AUTS2: variants seen among roughly 807,000 people sequenced by gnomAD.
AUTS2 encodes autism susceptibility gene 2 protein.
A neutral mutation model predicts 112.4 loss-of-function variants in AUTS2; 17 were observed. The observed-to-expected ratio is 0.15, with a 90% CI of 0.10 to 0.23. The LOEUF is 0.23. AUTS2 is among the 10% of genes least tolerant of loss of function. The probability of loss-of-function intolerance (pLI) is 1.00; values close to 1 mark genes in which losing one functional copy is unlikely to be tolerated. For synonymous variants in AUTS2, 751 were observed against 702.7 expected, an observed-to-expected ratio of 1.07 and a Z score of -1.09; for missense variants, 1,510 against 1,701.6, an observed-to-expected ratio of 0.89 and a Z score of 1.98.
At chr7:70,002,693 A>G (rs553426288) in intron 2 of AUTS2, among the ~76,000 whole-genome samples, 15 of 152,314 alleles carry the variant, frequency 9.8e-5, no homozygotes, top group Admixed American at 5.9e-4. Flanking sequence ...TTAGCTGGCA[A>G]TAAAGCTAAT....
At chr7:70,224,150 AC>A (rs1342955406) in intron 4 of AUTS2, among the ~76,000 whole-genome samples, 1 of 152,122 alleles carries the variant, frequency 6.6e-6, no homozygotes, top group African/African-American at 2.4e-5. Flanking sequence ...TCTTGTCTCT[AC>A]AAAAAATACA....
chr7:70,410,398 T>TTTTATTCATTTATTTA (rs1554394750), intron 4 of AUTS2, among the ~76,000 whole-genome samples: 2 of 140,766 alleles, frequency 1.4e-5, no homozygotes, highest in African/African-American at 2.6e-5. Flanking sequence ...AGGGTTTGTC[T>TTTTATTCATTTATTTA]TTTATTTATT....
intron 1 of AUTS2, among the ~76,000 whole-genome samples, chr7:69,728,548 G>A (rs1786629754): frequency 6.6e-6 from 1 of 151,974 alleles, no homozygotes; most frequent in Non-Finnish European, 1.5e-5. Context: ...TCTTCCCAAG[G>A]GTAGGTAGTT....
At chr7:69,936,451 G>A (rs921572658) in intron 2 of AUTS2, among the ~76,000 whole-genome samples, 4 of 152,192 alleles carry the variant, frequency 2.6e-5, no homozygotes, top group Non-Finnish European at 2.9e-5. Flanking sequence ...CTGGGTTCAC[G>A]CCATTCTCCT....
intron 4 of AUTS2, among the ~76,000 whole-genome samples, chr7:70,424,263 A>G (rs1017951121): frequency 1.3e-4 from 20 of 152,178 alleles, no homozygotes; most frequent in African/African-American, 4.8e-4. Context: ...TGTGGAGCAG[A>G]AATACGGCTA....
chr7:70,621,741 T>A (rs1419679342), intron 5 of AUTS2, among the ~76,000 whole-genome samples: 1 of 150,320 alleles, frequency 6.7e-6, no homozygotes, highest in Non-Finnish European at 1.5e-5. Flanking sequence ...AAAGGCCTAG[T>A]ACAAACTATA....
At chr7:70,398,192 A>G (rs1168225257) in intron 4 of AUTS2, among the ~76,000 whole-genome samples, 2 of 152,198 alleles carry the variant, frequency 1.3e-5, no homozygotes, top group East Asian at 1.9e-4. Context: ...TCATTTGGTT[A>G]CTACAGCTTT....
At chr7:70,087,538 T>A (rs1226014915) in intron 2 of AUTS2, among the ~76,000 whole-genome samples, 1 of 151,748 alleles carries the variant, frequency 6.6e-6, no homozygotes, top group African/African-American at 2.4e-5. Flanking sequence ...CCTGGCTAAT[T>A]TTTTGTGTTT....
Position 70,762,897 on chromosome 7 carries a change from C to G in AUTS2, c.770C>G (p.Pro257Arg), listed in dbSNP as rs200108105. The G allele has an allele frequency of 2.5e-6, 4 of 1,613,954 alleles. No homozygotes were observed. The highest frequency in any genetic ancestry group is 3.4e-6 in the Non-Finnish European group (4 of 1,179,934). The stretch of plus-strand genomic sequence containing the variant: ...CCGGAGTTAGGTGTTGGCACGCTAC[C>G]AGAACATGACAGCCAGGATGCAGGG... ...KDPELGVGTL[P>R]EHDSQDAGPI... Residue 257 changes from proline to arginine, a missense_variant, in exon 7 of 19, where the codon CCA becomes CGA. This residue lies in a region of AUTS2 where 535 missense variants were observed against 594.3 expected (regional missense o/e 0.90). Coordinates refer to ENST00000342771, the MANE Select transcript of AUTS2 (RefSeq NM_015570.4).
chr7:70,059,888 A>T (rs990731457), intron 2 of AUTS2, among the ~76,000 whole-genome samples: 2 of 152,220 alleles, frequency 1.3e-5, no homozygotes, highest in Non-Finnish European at 1.5e-5. Context: ...TAGCTGCTTG[A>T]CCTTGCCTAG....
intron 6 of AUTS2, among the ~76,000 whole-genome samples, chr7:70,735,047 C>T (rs1439338202): frequency 2.6e-5 from 4 of 151,952 alleles, no homozygotes; most frequent in African/African-American, 9.7e-5. Context: ...AGTAGGACAG[C>T]GTTCTCATTT....
chr7:70,739,532 T>A (rs752651071), intron 6 of AUTS2, among the ~76,000 whole-genome samples: 41 of 151,992 alleles, frequency 2.7e-4, no homozygotes, highest in Middle Eastern at 3.4e-3. Flanking sequence ...TGTTATGATG[T>A]TAGTAGTGTG....
rs568210426 is a variant in AUTS2 at position 70,295,473 on chromosome 7, A to C, written c.661-140279A>C. 1.8e-4 allele frequency among the ~76,000 whole-genome samples: 27 copies of C among 152,250 alleles called. 1 individual carries two copies. Among genetic ancestry groups the C allele is most frequent in the African/African-American group, 5.1e-4 (21 of 41,546 alleles). ...TTTTATCTTAGGCCAGATGTCCTTT[A>C]TAAATTTTGATTTTTTGTTTTTTGG... is the stretch of plus-strand genomic sequence containing the variant. On this transcript the variant is annotated intron_variant, in intron 4 of 18. Transcript: ENST00000342771.
chr7:69,689,548 G>A (rs1797222943), intron 1 of AUTS2, among the ~76,000 whole-genome samples: 2 of 150,820 alleles, frequency 1.3e-5, no homozygotes, highest in Admixed American at 6.6e-5. Flanking sequence ...CACCGTATTG[G>A]CCAGGCTGGT....
chr7:69,795,045 T>C (rs1562887961), intron 1 of AUTS2, among the ~76,000 whole-genome samples: 1 of 152,182 alleles, frequency 6.6e-6, no homozygotes, highest in Non-Finnish European at 1.5e-5. Context: ...TTTTCCTTCA[T>C]CTTTAAATTG....
At chr7:70,546,999 C>G (rs555220052) in intron 5 of AUTS2, among the ~76,000 whole-genome samples, 1 of 152,252 alleles carries the variant, frequency 6.6e-6, no homozygotes, top group South Asian at 2.1e-4. Context: ...CAACTTTATT[C>G]AAATATAATC....
At chr7:70,472,408 G>C (rs1797425887) in intron 5 of AUTS2, among the ~76,000 whole-genome samples, 1 of 149,618 alleles carries the variant, frequency 6.7e-6, no homozygotes, top group Non-Finnish European at 1.5e-5. Context: ...TATAATCTCA[G>C]ATCATGGAAG....
intron 5 of AUTS2, among the ~76,000 whole-genome samples, chr7:70,612,912 G>T (rs1804169494): frequency 6.6e-6 from 1 of 152,062 alleles, no homozygotes; most frequent in South Asian, 2.1e-4. Flanking sequence ...TGAGGGCAGT[G>T]CTGGGCAGGC....
At chr7:70,450,608 G>A (rs894791692) in intron 5 of AUTS2, among the ~76,000 whole-genome samples, 5 of 152,164 alleles carry the variant, frequency 3.3e-5, no homozygotes, top group African/African-American at 1.2e-4. Context: ...GGCCTTGCAC[G>A]GCAAGATGAG....
Sources: allele counts gnomAD v4.1 joint callset (sites outside exome capture counted in the v4.1 genomes callset), GRCh38; gene constraint gnomAD v4.1.1; regional missense constraint gnomAD v4.1.1; transcripts MANE v1.5; gene names NCBI Gene and HGNC (gene_info 2026-07-23, HGNC 2026-07-21).